MCC: variants seen among roughly 807,000 people sequenced by gnomAD.
MCC encodes MCC regulator of Wnt signaling pathway, also known as colorectal mutant cancer protein.
A neutral mutation model predicts 116.2 loss-of-function variants in MCC; 90 were observed. The observed-to-expected ratio is 0.77, with a 90% CI of 0.65 to 0.92. The LOEUF is 0.92. Ranked by LOEUF, MCC falls within the 40% of genes least tolerant of loss-of-function variation. The probability of loss-of-function intolerance (pLI) is 0.00; values close to 1 mark genes in which losing one functional copy is unlikely to be tolerated. For missense variants in MCC, 1,516 were observed against 1,312.2 expected (o/e 1.16, Z -2.40); for synonymous variants, 578 against 510.5 (o/e 1.13, Z -1.78).
At chr5:113,456,427 G>GAAAATCC (rs1358363389) in intron 1 of MCC, among the ~76,000 whole-genome samples, 1 of 152,044 alleles carries the variant, frequency 6.6e-6, no homozygotes, top group Non-Finnish European at 1.5e-5. Flanking sequence ...TTCCAAATCT[G>GAAAATCC]AAAATCCAAA....
chr5:113,467,725 T>TA (rs1771955941), intron 1 of MCC, among the ~76,000 whole-genome samples: 1 of 152,214 alleles, frequency 6.6e-6, no homozygotes, highest in Non-Finnish European at 1.5e-5. Context: ...GTGAAGAAAG[T>TA]CATTGGTAGC....
chr5:113,110,395 A>G (rs1409976752), intron 6 of MCC, among the ~76,000 whole-genome samples: 1 of 152,180 alleles, frequency 6.6e-6, no homozygotes, highest in African/African-American at 2.4e-5. Context: ...TCCTGACAGA[A>G]AGGAGGAAGC....
chr5:113,080,737 G>C (rs1354066234), intron 11 of MCC, among the ~76,000 whole-genome samples: 1 of 150,406 alleles, frequency 6.6e-6, no homozygotes, highest in African/African-American at 2.4e-5. Flanking sequence ...CACCAACATG[G>C]CACATGTATA....
intron 3 of MCC, among the ~76,000 whole-genome samples, chr5:113,222,815 C>T (rs1220312900): frequency 1.3e-5 from 2 of 152,190 alleles, no homozygotes; most frequent in Admixed American, 1.3e-4. Context: ...GACCACTGCA[C>T]CCAGTGCACT....
At chr5:113,146,262 T>G (rs1271915346) in intron 4 of MCC, among the ~76,000 whole-genome samples, 2 of 974 alleles carry the variant, frequency 2.1e-3, no homozygotes, top group African/African-American at 2.8e-3. Context: ...CAGCTTCCAG[T>G]GGACTGAAAG....
intron 3 of MCC, among the ~76,000 whole-genome samples, chr5:113,166,120 G>A (rs142838399): frequency 6.6e-6 from 1 of 152,214 alleles, no homozygotes; most frequent in East Asian, 1.9e-4. Context: ...TGTAGACATA[G>A]CACTAGGATG....
intron 3 of MCC, among the ~76,000 whole-genome samples, chr5:113,308,720 A>T (rs1767059393): frequency 6.6e-6 from 1 of 152,050 alleles, no homozygotes; most frequent in Non-Finnish European, 1.5e-5. Context: ...CTGAAGTGGG[A>T]GGATTGCTTG....
At chr5:113,318,429 A>G (rs1166827670) in intron 3 of MCC, among the ~76,000 whole-genome samples, 2 of 152,198 alleles carry the variant, frequency 1.3e-5, no homozygotes, top group South Asian at 2.1e-4. Context: ...ATGATTCTCT[A>G]AATTGATGGA....
intron 2 of MCC, among the ~76,000 whole-genome samples, chr5:113,382,062 G>A (rs80107724): frequency 0.037 from 5,619 of 152,204 alleles, 147 homozygotes; most frequent in Middle Eastern, 0.078. Context: ...CCAGCAGAGT[G>A]GTGAGGACTG....
intron 3 of MCC, among the ~76,000 whole-genome samples, chr5:113,228,517 A>T (rs773740521): frequency 6.6e-5 from 10 of 152,180 alleles, no homozygotes; most frequent in Non-Finnish European, 1.2e-4. Flanking sequence ...TTGTTGTTGA[A>T]ATGCTAGAGG....
At position 113,151,338 on chromosome 5, in the gene MCC, G is replaced by A; in HGVS notation, c.712C>T (p.Leu238Phe). The change falls in exon 4 of 19, where the codon CTT becomes TTT. Residue 238 changes from leucine (L) to phenylalanine (F), a missense_variant. By Grantham distance (22) the Leu-to-Phe change is conservative. Coordinates refer to ENST00000408903, the MANE Select transcript of MCC (RefSeq NM_001085377.2). ...GCCTTGGCCAATTTCTTTTCCAGAA[G>A]GTCCCGTTCCCTCTCTGTTTGCTGG... ...RLQQTERERDLLEKKLAKAQC... is the reference protein window; with the variant it reads ...RLQQTERERDFLEKKLAKAQC... 2 of 1,613,546 alleles carry A rather than the reference G, an allele frequency of 1.2e-6. No individual in the cohort carries two copies. Among genetic ancestry groups the A allele is most frequent in the Non-Finnish European group, 1.7e-6 (2 of 1,179,678 alleles).
At chr5:113,070,530 A>G (rs1382752927) in intron 12 of MCC, among the ~76,000 whole-genome samples, 1 of 152,194 alleles carries the variant, frequency 6.6e-6, no homozygotes, top group Non-Finnish European at 1.5e-5. Context: ...ATATCCTTTG[A>G]CCTACAATTC....
chr5:113,197,262 C>A (rs1762458160), intron 3 of MCC, among the ~76,000 whole-genome samples: 1 of 151,786 alleles, frequency 6.6e-6, no homozygotes, highest in African/African-American at 2.4e-5. Flanking sequence ...GTTTTCAGAC[C>A]CCCAATTTTT....
chr5:113,313,180 A>C (rs544887429), intron 3 of MCC, among the ~76,000 whole-genome samples: 1 of 152,190 alleles, frequency 6.6e-6, no homozygotes, highest in East Asian at 1.9e-4. Context: ...CCCCGTCTCT[A>C]CTAAAAATAC....
At chr5:113,067,797 G>C (rs1430571105) in intron 13 of MCC, among the ~76,000 whole-genome samples, 1 of 152,252 alleles carries the variant, frequency 6.6e-6, no homozygotes, top group Non-Finnish European at 1.5e-5. Context: ...TTTCATCGCT[G>C]ATGCGGCCTC....
rs1755106577 is a variant in MCC, at chr5:113,085,013, G to C, written c.1545+151C>G. 28 of 983,136 alleles carry C rather than the reference G, an allele frequency of 2.8e-5. No individual in the cohort carries two copies. In the South Asian group the frequency reaches 4.2e-4, roughly 15 times the overall value. 60.9% of individuals were successfully genotyped at this position (983,136 alleles called of 1,614,324 possible). ...TATTAGTGGGTTATCTCTCCTTGCA[G>C]CTCCTGCATAGAAGGCCTGCGTAAG... On this transcript the variant is annotated intron_variant, in intron 9 of 18. Coordinates refer to ENST00000408903, the MANE Select transcript of MCC (RefSeq NM_001085377.2).
chr5:113,371,079 G>A (rs375947589), intron 2 of MCC, among the ~76,000 whole-genome samples: 1 of 152,090 alleles, frequency 6.6e-6, no homozygotes, highest in African/African-American at 2.4e-5. Flanking sequence ...AAATTAGCCG[G>A]GTGTGGTGGC....
At chr5:113,205,901 T>C (rs1212882309) in intron 3 of MCC, among the ~76,000 whole-genome samples, 1 of 152,196 alleles carries the variant, frequency 6.6e-6, no homozygotes, top group Non-Finnish European at 1.5e-5. Flanking sequence ...GGCCAGGGCA[T>C]TTCTATAGAA....
chr5:113,131,407 G>T (rs1405050444), intron 5 of MCC, among the ~76,000 whole-genome samples: 2 of 152,098 alleles, frequency 1.3e-5, no homozygotes, highest in Non-Finnish European at 1.5e-5. Context: ...CGTGTTATAT[G>T]ATCAGATTTG....
Sources: allele counts gnomAD v4.1 joint callset (sites outside exome capture counted in the v4.1 genomes callset), GRCh38; gene constraint gnomAD v4.1.1; transcripts MANE v1.5; gene names NCBI Gene and HGNC (gene_info 2026-07-23, HGNC 2026-07-21).